The following RANBP2 variants were observed in gnomAD, a reference collection of about 807,000 sequenced individuals.
RANBP2 encodes E3 SUMO-protein ligase RanBP2.
In RANBP2, 57 loss-of-function variants were observed where a neutral mutation model predicts 303.6. The observed-to-expected ratio is 0.19, with a 90% confidence interval of 0.15 to 0.23. The LOEUF is 0.23. Among genes scored for constraint, RANBP2 ranks in the 10% least tolerant of loss-of-function variants. The pLI is 1.00. For missense variants in RANBP2, 3,138 were observed against 3,780.8 expected, an observed-to-expected ratio of 0.83 and a Z score of 4.46; for synonymous variants, 1,167 against 1,301.5, an observed-to-expected ratio of 0.90 and a Z score of 2.23.
chr2:109,327,930 T>A, the RANBP2 span, among the ~76,000 whole-genome samples: 420 of 152,316 alleles, frequency 2.8e-3, 2 homozygotes, highest in African/African-American at 9.2e-3. Context: ...ACATACACAA[T>A]CATGGAGGGT....
At chr2:109,134,127 C>T in the RANBP2 span, among the ~76,000 whole-genome samples, 2 of 152,304 alleles carry the variant, frequency 1.3e-5, no homozygotes, top group South Asian at 4.1e-4. Flanking sequence ...TGACATATAT[C>T]ACCTTATGGA....
At chr2:108,749,337 G>A (rs1264142994) in intron 9 of RANBP2, among the ~76,000 whole-genome samples, 4 of 152,014 alleles carry the variant, frequency 2.6e-5, no homozygotes, top group Non-Finnish European at 4.4e-5. Flanking sequence ...TGCTCTTGTC[G>A]CCCATGCTGG....
the RANBP2 span, among the ~76,000 whole-genome samples, chr2:109,693,876 A>G: frequency 1.3e-5 from 2 of 152,210 alleles, no homozygotes; most frequent in African/African-American, 4.8e-5. Flanking sequence ...ATGGGTGCCC[A>G]TCTTCAACCT....
At chr2:109,033,664 C>CT in the RANBP2 span, among the ~76,000 whole-genome samples, 1 of 151,234 alleles carries the variant, frequency 6.6e-6, no homozygotes, top group Non-Finnish European at 1.5e-5. Context: ...TTTGATGATA[C>CT]TTTTTTTTTG....
At chr2:109,202,040 G>A in the RANBP2 span, among the ~76,000 whole-genome samples, 1 of 152,222 alleles carries the variant, frequency 6.6e-6, no homozygotes, top group East Asian at 1.9e-4. Context: ...ATTTGCCTTG[G>A]AGCCTGGCTG....
chr2:109,535,392 GCCT>G, the RANBP2 span, among the ~76,000 whole-genome samples: 1 of 152,058 alleles, frequency 6.6e-6, no homozygotes, highest in Non-Finnish European at 1.5e-5. Context: ...CAGTCACTAT[GCCT>G]CCCATGGAAT....
the RANBP2 span, chr2:108,897,274 A>T: frequency 1.9e-6 from 3 of 1,546,862 alleles, no homozygotes; most frequent in Non-Finnish European, 2.7e-6. Flanking sequence ...AGTCACAGTC[A>T]ATAGAAGGTC....
At chr2:108,810,340 T>C in the RANBP2 span, among the ~76,000 whole-genome samples, 2 of 152,158 alleles carry the variant, frequency 1.3e-5, no homozygotes, top group Admixed American at 1.3e-4. Context: ...TTTTTGAGAG[T>C]TTTTACTGTG....
the RANBP2 span, among the ~76,000 whole-genome samples, chr2:108,963,509 A>T: frequency 6.6e-6 from 1 of 152,178 alleles, no homozygotes; most frequent in Non-Finnish European, 1.5e-5. Context: ...CCCGTTACCC[A>T]ATGTACCCCA....
the RANBP2 span, among the ~76,000 whole-genome samples, chr2:109,242,014 G>A: frequency 8.6e-5 from 13 of 151,976 alleles, no homozygotes; most frequent in African/African-American, 3.1e-4. Context: ...CTGGGAAAGA[G>A]GATTCCCTTT....
At chr2:109,425,231 G>A in the RANBP2 span, among the ~76,000 whole-genome samples, 7 of 152,212 alleles carry the variant, frequency 4.6e-5, no homozygotes, top group African/African-American at 7.2e-5. Context: ...AGCTAGCAGA[G>A]GTTGGTTCGT....
At chr2:109,689,020 C>G in the RANBP2 span, among the ~76,000 whole-genome samples, 27 of 151,690 alleles carry the variant, frequency 1.8e-4, no homozygotes, top group Middle Eastern at 3.4e-3. Context: ...GACTCTCCTG[C>G]CTCAGCCTCC....
chr2:109,170,281 TCTCTTCTCTTCTCTTCTCTTCTC>T, the RANBP2 span, among the ~76,000 whole-genome samples: 37 of 107,912 alleles, frequency 3.4e-4, no homozygotes, highest in African/African-American at 1.1e-3. Context: ...TCTCTTCTCT[TCTCTTCTCTTCTCTTCTCTTCTC>T]TTCTCTTCTC....
the RANBP2 span, among the ~76,000 whole-genome samples, chr2:109,102,291 G>A: frequency 2.6e-5 from 4 of 151,732 alleles, no homozygotes; most frequent in African/African-American, 4.8e-5. Context: ...TAGTAGAGAC[G>A]GGGTTTCACC....
At chr2:109,635,402 C>T in the RANBP2 span, among the ~76,000 whole-genome samples, 3 of 152,174 alleles carry the variant, frequency 2.0e-5, no homozygotes, top group African/African-American at 7.2e-5. Flanking sequence ...AGGCTGGCCT[C>T]GAACTCCTGA....
At chr2:109,089,973 G>A in the RANBP2 span, among the ~76,000 whole-genome samples, 11 of 152,138 alleles carry the variant, frequency 7.2e-5, no homozygotes, top group South Asian at 2.1e-4. Flanking sequence ...CAAACTGGCA[G>A]TTCAAATTAT....
the RANBP2 span, among the ~76,000 whole-genome samples, chr2:109,673,333 G>C: frequency 6.6e-6 from 1 of 152,084 alleles, no homozygotes; most frequent in African/African-American, 2.4e-5. Flanking sequence ...CAATCTTTTT[G>C]CCCACATGAG....
the RANBP2 span, among the ~76,000 whole-genome samples, chr2:109,310,220 A>G: frequency 1.9e-5 from 1 of 54,024 alleles, no homozygotes; most frequent in East Asian, 7.2e-4. Flanking sequence ...TGGAAACTGA[A>G]CAACCTGCTC....
At chr2:108,794,618 C>T in the RANBP2 span, 1 of 1,613,958 alleles carries the variant, frequency 6.2e-7, no homozygotes, top group South Asian at 1.1e-5. Context: ...CCTTTGAAAC[C>T]TGTCAGCTGT....
Sources: gnomAD v4.1 joint callset for allele counts (sites outside exome capture counted in the v4.1 genomes callset) on GRCh38, gnomAD v4.1.1 for gene constraint, MANE v1.5 for transcripts, NCBI Gene and HGNC (gene_info 2026-07-23, HGNC 2026-07-21) for gene names.